CMYA5: variants seen among roughly 807,000 people sequenced by gnomAD.
CMYA5 encodes the protein cardiomyopathy-associated protein 5.
CMYA5 carries 246 observed loss-of-function variants against 318.9 expected under a neutral mutation model. The ratio of observed to expected loss-of-function variants is 0.77; its 90% CI spans 0.70 to 0.86. The LOEUF (loss-of-function observed/expected upper bound fraction) is 0.86. Ranked by LOEUF, CMYA5 falls within the 40% of genes least tolerant of loss-of-function variation. CMYA5 has a pLI of 0.00. For synonymous variants in CMYA5, 1,641 were observed against 1,729.5 expected (o/e 0.95, Z 1.27); for missense variants, 4,589 against 4,678.2 (o/e 0.98, Z 0.56).
intron 1 of CMYA5, among the ~76,000 whole-genome samples, chr5:79,709,269 A>G (rs1827336152): frequency 6.6e-6 from 1 of 152,192 alleles, no homozygotes; most frequent in African/African-American, 2.4e-5. Context: ...CTCAAATTCT[A>G]CTACCATATT....
At chr5:79,762,101 C>A in intron 8 of CMYA5, 144 bp downstream of exon 8, 1 of 862,544 alleles carries the variant, frequency 1.2e-6, no homozygotes, top group Non-Finnish European at 1.7e-6. Context: ...ATGACTTAAG[C>A]CTGGGGTCCT....
chr5:79,714,431 C>CTTTTTCTTTTTTTTTT (rs767402291), intron 1 of CMYA5, among the ~76,000 whole-genome samples: 9 of 100,678 alleles, frequency 8.9e-5, no homozygotes, highest in African/African-American at 1.3e-4. Flanking sequence ...TTTTCTTTTT[C>CTTTTTCTTTTTTTTTT]TTTTTTTTTT....
intron 1 of CMYA5, among the ~76,000 whole-genome samples, chr5:79,708,621 T>A (rs1827320814): frequency 6.6e-6 from 1 of 150,928 alleles, no homozygotes; most frequent in African/African-American, 2.4e-5. Flanking sequence ...CAAGACTCCA[T>A]CTCAAAAAAA....
At position 79,736,237 on chromosome 5, in the gene CMYA5, T is replaced by C. The variant is rs551721499; in HGVS notation, c.7472T>C (p.Ile2491Thr). 824 of 1,613,280 alleles carry C rather than the reference T, an allele frequency of 5.1e-4. 16 individuals are homozygous for C. In the South Asian group the frequency reaches 8.6e-3, roughly 17 times the overall value. Residue 2491 changes from isoleucine (I) to threonine (T), a missense_variant, in exon 2 of 13, where the codon ATA (isoleucine) becomes ACA (threonine). Coordinates refer to ENST00000446378, the MANE Select transcript of CMYA5 (RefSeq NM_153610.5). ...TTAGAGCTTAGAGATAGTAATGAAA[T>C]AGGGAAGACACAAATTACACTTGGA... ...APLELRDSNEIGKTQITLGSR... is the reference protein window; with the variant it reads ...APLELRDSNETGKTQITLGSR...
chr5:79,729,301 C>T lies in CMYA5; in HGVS notation c.536C>T (p.Thr179Met), dbSNP rs373527728. The T allele has an allele frequency of 6.8e-6, 11 of 1,610,434 alleles. No homozygotes were observed. Among genetic ancestry groups the T allele is most frequent in the African/African-American group, 6.7e-5 (5 of 74,510 alleles). Residue 179 changes from threonine (T) to methionine (M), a missense_variant, in exon 2 of 13, where the codon ACG becomes ATG. Coordinates refer to ENST00000446378, the MANE Select transcript of CMYA5 (RefSeq NM_153610.5). ...PLTSASQVLT[T>M]EKEKSYTGIY... The stretch of plus-strand genomic sequence containing the variant: ...ACTTCAGCAAGCCAGGTACTAACCA[C>T]GGAGAAAGAGAAGTCATATACTGGC...
rs1192804507 is a variant in CMYA5 at position 79,729,950 on chromosome 5, G to A, written c.1185G>A (p.Lys395=). The A allele has an allele frequency of 6.2e-7, 1 of 1,613,934 alleles. No individual in the cohort carries two copies. The highest frequency in any genetic ancestry group is 1.1e-5 in the South Asian group (1 of 91,062). ...CAACTATGTTCCTGAGAACAACAAA[G>A]GAAGAATGTGAGCTTGCTTCACCAG... ...TPATMFLRTT[K]EECELASPGT... The change falls in exon 2 of 13, where the codon AAG becomes AAA. Residue 395 remains lysine, a synonymous_variant. Transcript: ENST00000446378.
At position 79,732,959 on chromosome 5, in the gene CMYA5, T is replaced by C; in HGVS notation, c.4194T>C (p.Ser1398=). The stretch of plus-strand genomic sequence containing the variant: ...AAGTAGGAAAGGGTGAATTAGGAAG[T>C]GGTTTGCCACCACTGGTAACATCTG... ...LTKVGKGELG[S]GLPPLVTSAD... Residue 1398 remains serine, a synonymous_variant, in exon 2 of 13, where the codon AGT becomes AGC. Transcript: ENST00000446378. 1 of 1,613,594 alleles carries C rather than the reference T, an allele frequency of 6.2e-7. No homozygotes were observed. The highest frequency in any genetic ancestry group is 8.5e-7 in the Non-Finnish European group (1 of 1,179,754).
intron 1 of CMYA5, among the ~76,000 whole-genome samples, chr5:79,690,295 CTT>C (rs368712070): frequency 8.5e-5 from 13 of 152,306 alleles, no homozygotes; most frequent in African/African-American, 3.1e-4. Context: ...ACTCGCTGCT[CTT>C]GTTTATTCCT....
At chr5:79,707,095 G>T (rs1827288108) in intron 1 of CMYA5, among the ~76,000 whole-genome samples, 1 of 151,948 alleles carries the variant, frequency 6.6e-6, no homozygotes, top group South Asian at 2.1e-4. Flanking sequence ...AATTTTCTTG[G>T]TGTGGCTTGT....
At chr5:79,744,686 T>C (rs1171617666) in intron 3 of CMYA5, among the ~76,000 whole-genome samples, 1 of 152,244 alleles carries the variant, frequency 6.6e-6, no homozygotes, top group Non-Finnish European at 1.5e-5. Context: ...GAGTAAATTA[T>C]GGGATCATCT....
At chr5:79,716,409 A>G (rs540779042) in intron 1 of CMYA5, among the ~76,000 whole-genome samples, 53 of 152,314 alleles carry the variant, frequency 3.5e-4, no homozygotes, top group African/African-American at 1.2e-3. Context: ...CTCTCTTCAT[A>G]TACTTCATAG....
At chr5:79,717,895 T>TA (rs1270909946) in intron 1 of CMYA5, among the ~76,000 whole-genome samples, 61 of 94,578 alleles carry the variant, frequency 6.4e-4, no homozygotes, top group African/African-American at 1.1e-3. Flanking sequence ...TTTTTTTTTT[T>TA]TTTTTTTTTT....
chr5:79,710,986 A>C (rs1827378707), intron 1 of CMYA5, among the ~76,000 whole-genome samples: 1 of 152,188 alleles, frequency 6.6e-6, no homozygotes, highest in Non-Finnish European at 1.5e-5. Context: ...GTTTTCCAAT[A>C]ATCTAACTTA....
chr5:79,773,239 T>A (rs1390269614), intron 9 of CMYA5, among the ~76,000 whole-genome samples: 1 of 152,186 alleles, frequency 6.6e-6, no homozygotes, highest in Admixed American at 6.5e-5. Context: ...TGAGTAAATA[T>A]CAATTAGCAT....
chr5:79,753,514 T>C (rs762671441), intron 6 of CMYA5, among the ~76,000 whole-genome samples: 4 of 152,086 alleles, frequency 2.6e-5, no homozygotes, highest in Non-Finnish European at 5.9e-5. Flanking sequence ...TTCAGGAGGC[T>C]GAGGCGGGAG....
intron 4 of CMYA5, 80 bp from the exon 5 acceptor site, chr5:79,747,011 G>A (rs912083166): frequency 1.2e-6 from 1 of 864,296 alleles, no homozygotes; most frequent in Non-Finnish European, 1.8e-6. Context: ...TTTTCTTTCT[G>A]TTGTTAATTA....
rs1224806689 is a variant in CMYA5 at position 79,730,976 on chromosome 5, A to C, written c.2211A>C (p.Glu737Asp). The C allele has an allele frequency of 6.2e-7, 1 of 1,613,812 alleles. No individual in the cohort carries two copies. The highest frequency in any genetic ancestry group is 1.3e-5 in the African/African-American group (1 of 74,964). The change falls in exon 2 of 13, where the codon GAA becomes GAC. Residue 737 changes from glutamate to aspartate, a missense_variant. Physicochemically the swap from Glu to Asp is conservative, Grantham distance 45 (BLOSUM62 2). This residue lies in a region of CMYA5 where 2,132 missense variants were observed against 2,131.3 expected (regional missense o/e 1.00). Transcript: ENST00000446378. Reference sequence around the variant, plus strand: ...ACATGATTCCATCAGAAGAGAAGGAAGACACTGGATCGTTTACTCCAGCTG... The same window carrying C: ...ACATGATTCCATCAGAAGAGAAGGACGACACTGGATCGTTTACTCCAGCTG... ...SEYMIPSEEKEDTGSFTPAVA... is the reference protein window; with the variant it reads ...SEYMIPSEEKDDTGSFTPAVA...
At chr5:79,694,674 G>A (rs1827033604) in intron 1 of CMYA5, among the ~76,000 whole-genome samples, 1 of 152,158 alleles carries the variant, frequency 6.6e-6, no homozygotes, top group South Asian at 2.1e-4. Context: ...GTCCTTGCAG[G>A]AATAAACCTT....
intron 1 of CMYA5, among the ~76,000 whole-genome samples, chr5:79,722,351 GA>G (rs1467560294): frequency 1.3e-5 from 2 of 152,204 alleles, no homozygotes; most frequent in East Asian, 3.9e-4. Context: ...TCACATGTTA[GA>G]AAAAGGGACA....
Sources: allele counts gnomAD v4.1 joint callset (sites outside exome capture counted in the v4.1 genomes callset), GRCh38; gene constraint gnomAD v4.1.1; regional missense constraint gnomAD v4.1.1; transcripts MANE v1.5; gene names NCBI Gene and HGNC (gene_info 2026-07-23, HGNC 2026-07-21).